PPM1E: variants seen among roughly 807,000 people sequenced by gnomAD.
PPM1E encodes protein phosphatase, Mg2+/Mn2+ dependent 1E.
PPM1E carries 20 observed loss-of-function variants against 65.9 expected under a neutral mutation model. The ratio of observed to expected loss-of-function variants is 0.30; its 90% CI spans 0.21 to 0.44. The LOEUF is 0.44. Ranked by LOEUF, PPM1E falls within the 20% of genes least tolerant of loss-of-function variation. PPM1E has a pLI of 1.00. For synonymous variants in PPM1E, 352 were observed against 374.9 expected (o/e 0.94, Z 0.70); for missense variants, 713 against 953.1 (o/e 0.75, Z 3.32).
At chr17:58,857,716 C>T (rs1375121668) in intron 1 of PPM1E, among the ~76,000 whole-genome samples, 1 of 151,996 alleles carries the variant, frequency 6.6e-6, no homozygotes, top group East Asian at 1.9e-4. Flanking sequence ...GGTAAAACTT[C>T]CTGGAACAGC....
intron 1 of PPM1E, among the ~76,000 whole-genome samples, chr17:58,771,005 T>C (rs1317760834): frequency 1.3e-5 from 2 of 151,966 alleles, no homozygotes; most frequent in African/African-American, 2.4e-5. Context: ...TACAGGCGCA[T>C]GCCACCACGC....
chr17:58,807,240 T>C (rs1445694596), intron 1 of PPM1E, among the ~76,000 whole-genome samples: 3 of 152,186 alleles, frequency 2.0e-5, no homozygotes, highest in African/African-American at 7.2e-5. Flanking sequence ...AAAAAGAAAA[T>C]GTTTTAGTGA....
intron 1 of PPM1E, among the ~76,000 whole-genome samples, chr17:58,774,117 G>A (rs955113999): frequency 5.9e-5 from 9 of 151,802 alleles, no homozygotes; most frequent in South Asian, 2.1e-4. Context: ...AGCTGAGATC[G>A]CGCCATTGCA....
chr17:58,893,555 C>T (rs761388301), intron 1 of PPM1E, among the ~76,000 whole-genome samples: 2 of 152,050 alleles, frequency 1.3e-5, no homozygotes, highest in South Asian at 2.1e-4. Flanking sequence ...TTATCAAAAC[C>T]CACAGAACAT....
intron 1 of PPM1E, among the ~76,000 whole-genome samples, chr17:58,760,652 G>A (rs1347306662): frequency 6.6e-6 from 1 of 152,118 alleles, no homozygotes; most frequent in Non-Finnish European, 1.5e-5. Context: ...AAGGTTAAGG[G>A]CACAGTCTTC....
intron 1 of PPM1E, among the ~76,000 whole-genome samples, chr17:58,890,212 A>G (rs778216313): frequency 2.0e-4 from 31 of 152,200 alleles, no homozygotes; most frequent in Non-Finnish European, 3.1e-4. Context: ...TATATTGTTG[A>G]TTCATTAACA....
intron 1 of PPM1E, among the ~76,000 whole-genome samples, chr17:58,849,970 G>A (rs577869342): frequency 1.3e-5 from 2 of 152,246 alleles, no homozygotes; most frequent in East Asian, 3.9e-4. Flanking sequence ...CTTCTGTATT[G>A]GGTGCATATA....
intron 1 of PPM1E, among the ~76,000 whole-genome samples, chr17:58,827,716 C>T (rs1464858446): frequency 6.6e-6 from 1 of 150,582 alleles, no homozygotes; most frequent in African/African-American, 2.4e-5. Flanking sequence ...TCCTGGCTAA[C>T]ATGGTGAAAC....
intron 1 of PPM1E, among the ~76,000 whole-genome samples, chr17:58,920,721 G>A (rs2051739811): frequency 1.3e-5 from 2 of 152,180 alleles, no homozygotes; most frequent in African/African-American, 2.4e-5. Context: ...CCAAGAGCAG[G>A]TACTTGAATA....
At chr17:58,842,272 G>A (rs1297469620) in intron 1 of PPM1E, among the ~76,000 whole-genome samples, 3 of 152,150 alleles carry the variant, frequency 2.0e-5, no homozygotes, top group South Asian at 2.1e-4. Flanking sequence ...AAGGAGACGC[G>A]ACAAGTAAAC....
At chr17:58,825,175 C>G (rs962804613) in intron 1 of PPM1E, among the ~76,000 whole-genome samples, 1 of 147,628 alleles carries the variant, frequency 6.8e-6, no homozygotes, top group Non-Finnish European at 1.5e-5. Flanking sequence ...TTACAGAAAA[C>G]TAAAATAAAA....
chr17:58,829,634 T>G (rs2050578331), intron 1 of PPM1E, among the ~76,000 whole-genome samples: 1 of 152,176 alleles, frequency 6.6e-6, no homozygotes. Context: ...TTCCTGATGC[T>G]TCTTTTTCAT....
At chr17:58,855,758 A>G (rs1207840641) in intron 1 of PPM1E, among the ~76,000 whole-genome samples, 1 of 152,198 alleles carries the variant, frequency 6.6e-6, no homozygotes, top group East Asian at 1.9e-4. Context: ...AAACCATCCT[A>G]CGTTTCTCAG....
In PPM1E at chr17:58,960,336, G is replaced by A. The variant is rs368583717; in HGVS notation, c.583+4569G>A. Among the ~76,000 whole-genome samples, 6 of 152,270 alleles carry A rather than the reference G, an allele frequency of 3.9e-5. No homozygotes were observed. The East Asian group carries it at 9.6e-4, about 24-fold the overall frequency. On this transcript the variant is annotated intron_variant, in intron 2 of 6. Transcript: ENST00000308249. ...TACTCTAATTGGTCCAACTTGGATGGTTTCCCATTCCTGAACTAATCACTT... is the reference window on the plus strand; with the variant it reads ...TACTCTAATTGGTCCAACTTGGATGATTTCCCATTCCTGAACTAATCACTT...
At chr17:58,963,047 T>C (rs1009187119) in intron 2 of PPM1E, among the ~76,000 whole-genome samples, 1 of 151,394 alleles carries the variant, frequency 6.6e-6, no homozygotes, top group African/African-American at 2.4e-5. Context: ...TGTGATTACA[T>C]CACCCCACTC....
chr17:58,888,324 G>A (rs1442159337), intron 1 of PPM1E, among the ~76,000 whole-genome samples: 2 of 149,230 alleles, frequency 1.3e-5, no homozygotes, highest in African/African-American at 4.9e-5. Flanking sequence ...CTTGCATTAT[G>A]GAATATTGAT....
intron 1 of PPM1E, among the ~76,000 whole-genome samples, chr17:58,945,978 AATT>A (rs1410178079): frequency 6.6e-6 from 1 of 152,164 alleles, no homozygotes; most frequent in Non-Finnish European, 1.5e-5. Flanking sequence ...ATGTTCAAAT[AATT>A]ATTAAGTCAA....
Position 58,982,362 on chromosome 17 carries a change from A to AT in PPM1E, c.*1333dup, listed in dbSNP as rs534918802. ...CATTCATTCAGTGAAGCAGCCTCTG[A>AT]TTCTCTAAGAGTCACGAATGTCTTA... On this transcript the variant is annotated 3_prime_UTR_variant, in exon 7 of 7. Transcript: ENST00000308249. 2 of 152,424 alleles carry AT rather than the reference A, an allele frequency of 1.3e-5. No homozygotes were observed. Among genetic ancestry groups the AT allele is most frequent in the South Asian group, 4.1e-4 (2 of 4,830 alleles). 9.4% of individuals were successfully genotyped at this position (152,424 alleles called of 1,614,324 possible).
At chr17:58,891,111 C>T (rs1193007378) in intron 1 of PPM1E, among the ~76,000 whole-genome samples, 1 of 152,046 alleles carries the variant, frequency 6.6e-6, no homozygotes, top group Non-Finnish European at 1.5e-5. Context: ...GCTGGGATTA[C>T]ATGTACCACC....
Sources: gnomAD v4.1 joint callset for allele counts (sites outside exome capture counted in the v4.1 genomes callset) on GRCh38, gnomAD v4.1.1 for gene constraint, MANE v1.5 for transcripts, NCBI Gene and HGNC (gene_info 2026-07-23, HGNC 2026-07-21) for gene names.